Variants in ZNF438 observed in about 807,000 individuals in gnomAD.
ZNF438 encodes zinc finger protein 438.
In ZNF438, 25 loss-of-function variants were observed where a neutral mutation model predicts 38.0. The ratio of observed to expected loss-of-function variants is 0.66; its 90% CI spans 0.48 to 0.92. The LOEUF is 0.92. Ranked by LOEUF, ZNF438 falls within the 40% of genes least tolerant of loss-of-function variation. ZNF438 has a pLI of 0.00. For missense variants in ZNF438, 1,007 were observed against 999.6 expected, an observed-to-expected ratio of 1.01 and a Z score of -0.10; for synonymous variants, 372 against 364.1, an observed-to-expected ratio of 1.02 and a Z score of -0.25.
At chr10:31,014,837 T>C (rs1191815569) in intron 1 of ZNF438, among the ~76,000 whole-genome samples, 1 of 78,162 alleles carries the variant, frequency 1.3e-5, no homozygotes, top group Non-Finnish European at 2.7e-5. Flanking sequence ...TATATAAATG[T>C]GTGTGTATGT....
At chr10:30,897,540 T>C (rs1185526298) in intron 3 of ZNF438, among the ~76,000 whole-genome samples, 2 of 152,144 alleles carry the variant, frequency 1.3e-5, no homozygotes, top group Non-Finnish European at 2.9e-5. Flanking sequence ...CCCTTAAATC[T>C]ATCACCACCC....
In ZNF438 at chr10:31,010,585, G is replaced by A. The variant is rs1327244768; in HGVS notation, c.-192+21248C>T. Among the ~76,000 whole-genome samples, 5 of 151,954 alleles carry A rather than the reference G, an allele frequency of 3.3e-5. No individual in the cohort carries two copies. The South Asian group carries it at 1.0e-3, about 32-fold the overall frequency. ...TAAAAAATTGAACATGTTTAATTAG[G>A]GTCATTAAAAAAATTTGTTGGCTAG... On this transcript the variant is annotated intron_variant, in intron 1 of 5. Transcript: ENST00000413025.
intron 2 of ZNF438, among the ~76,000 whole-genome samples, chr10:30,931,568 T>C (rs1204419201): frequency 6.6e-6 from 1 of 152,238 alleles, no homozygotes; most frequent in Non-Finnish European, 1.5e-5. Flanking sequence ...AACGTTTGCA[T>C]GTGTCCCTTT....
chr10:31,015,499 C>A (rs1208219108), intron 1 of ZNF438, among the ~76,000 whole-genome samples: 1 of 151,968 alleles, frequency 6.6e-6, no homozygotes, highest in African/African-American at 2.4e-5. Flanking sequence ...CAAAAATTAG[C>A]CGGACGTAGT....
intron 1 of ZNF438, among the ~76,000 whole-genome samples, chr10:30,977,800 T>C (rs1444543036): frequency 6.6e-6 from 1 of 151,970 alleles, no homozygotes; most frequent in Non-Finnish European, 1.5e-5. Context: ...CTGGCTAATA[T>C]GGTGAAACCC....
At chr10:30,928,727 C>T (rs761171519) in intron 2 of ZNF438, among the ~76,000 whole-genome samples, 9 of 152,160 alleles carry the variant, frequency 5.9e-5, no homozygotes, top group East Asian at 5.8e-4. Flanking sequence ...CCACTGTCCC[C>T]GAGTCCTGGT....
chr10:30,922,333 T>G (rs73252615), intron 2 of ZNF438, among the ~76,000 whole-genome samples: 3 of 152,220 alleles, frequency 2.0e-5, no homozygotes, highest in Non-Finnish European at 4.4e-5. Context: ...ATGGTTGTCA[T>G]GGAGGCATAT....
intron 3 of ZNF438, among the ~76,000 whole-genome samples, chr10:30,889,982 C>T (rs948097516): frequency 2.7e-5 from 4 of 148,306 alleles, no homozygotes; most frequent in East Asian, 4.0e-4. Context: ...GCTGAAAATA[C>T]TTTGTAAAAA....
At chr10:30,845,417 C>A in exon 6 of ZNF438, 2 of 1,614,116 alleles carry the variant, frequency 1.2e-6, no homozygotes, top group Non-Finnish European at 1.7e-6. Context: ...CTTCTTGTAG[C>A]CTGCCCTCAA....
intron 2 of ZNF438, among the ~76,000 whole-genome samples, chr10:30,917,358 T>C (rs1483380021): frequency 2.0e-5 from 3 of 152,132 alleles, no homozygotes; most frequent in Non-Finnish European, 2.9e-5. Flanking sequence ...TATTTTCATT[T>C]CTCTTAGGCA....
At chr10:30,865,835 C>A (rs2036329746) in intron 4 of ZNF438, among the ~76,000 whole-genome samples, 1 of 152,182 alleles carries the variant, frequency 6.6e-6, no homozygotes, top group Non-Finnish European at 1.5e-5. Context: ...AATCCTTCGG[C>A]CTTCCTGGCC....
chr10:30,876,088 T>A (rs1213581905), intron 4 of ZNF438, among the ~76,000 whole-genome samples: 1 of 152,172 alleles, frequency 6.6e-6, no homozygotes, highest in African/African-American at 2.4e-5. Context: ...AGTTTTACAG[T>A]TAAGTGGTAG....
chr10:31,007,570 G>A (rs554077380), intron 1 of ZNF438, among the ~76,000 whole-genome samples: 18 of 152,136 alleles, frequency 1.2e-4, no homozygotes, highest in Non-Finnish European at 2.6e-4. Context: ...GTTAGCCACC[G>A]CGCCCGGCCA....
At chr10:30,976,813 A>C (rs1164030127) in intron 1 of ZNF438, among the ~76,000 whole-genome samples, 1 of 152,160 alleles carries the variant, frequency 6.6e-6, no homozygotes. Flanking sequence ...ACAGTAAATA[A>C]CACATAACAC....
At chr10:30,984,127 T>A (rs1161408270) in intron 1 of ZNF438, among the ~76,000 whole-genome samples, 3 of 152,176 alleles carry the variant, frequency 2.0e-5, no homozygotes, top group Admixed American at 1.3e-4. Context: ...ATAAACAATA[T>A]CTTCATTGTA....
chr10:30,948,867 A>T (rs2047784912), intron 1 of ZNF438, among the ~76,000 whole-genome samples: 1 of 151,328 alleles, frequency 6.6e-6, no homozygotes, highest in African/African-American at 2.4e-5. Flanking sequence ...CTAGCAAGGC[A>T]GGCCAACGTT....
rs374517270 is a variant in ZNF438 at position 30,873,758 on chromosome 10, G to A, written c.37+3240C>T. Among the ~76,000 whole-genome samples the A allele has an allele frequency of 1.1e-3, 164 of 152,188 alleles. 1 individual carries two copies. The highest frequency in any genetic ancestry group is 3.6e-3 in the African/African-American group (150 of 41,518). On this transcript the variant is annotated intron_variant, in intron 4 of 5. Transcript: ENST00000413025. ...TCTTCATAGCATCTGATAGTTCCTCGTATGAATTACCTTGGTGATCATTAA... is the reference window on the plus strand; with the variant it reads ...TCTTCATAGCATCTGATAGTTCCTCATATGAATTACCTTGGTGATCATTAA...
rs574902557 is a variant in ZNF438, at chr10:30,881,242, A to G, written c.-31-4177T>C. ...ATTGTCTAATTAGAAAATTCAATAG[A>G]ATCTACAAAAAAAGCTCTTCTAATA... On this transcript the variant is annotated intron_variant, in intron 3 of 5. Coordinates refer to ENST00000413025, the Ensembl canonical transcript of ZNF438. Among the ~76,000 whole-genome samples the G allele has an allele frequency of 7.2e-5, 11 of 152,298 alleles. No individual in the cohort carries two copies. In the South Asian group the frequency reaches 2.3e-3, roughly 32 times the overall value.
intron 3 of ZNF438, among the ~76,000 whole-genome samples, chr10:30,887,396 G>A (rs1219893328): frequency 3.3e-5 from 5 of 151,724 alleles, no homozygotes; most frequent in East Asian, 1.9e-4. Flanking sequence ...TTTTTGAGAC[G>A]GAGTCTCACA....
Sources: gnomAD v4.1 joint callset for allele counts (sites outside exome capture counted in the v4.1 genomes callset) on GRCh38, gnomAD v4.1.1 for gene constraint, MANE v1.5 for transcripts, NCBI Gene and HGNC (gene_info 2026-07-23, HGNC 2026-07-21) for gene names.